Variants in SKP1 observed in about 807,000 individuals in gnomAD.
SKP1 encodes the protein S-phase kinase associated protein 1, also known as S-phase kinase-associated protein 1.
SKP1 carries 1 observed loss-of-function variant against 21.5 expected under a neutral mutation model. The ratio of observed to expected loss-of-function variants is 0.05; its 90% confidence interval spans 0.02 to 0.22. The LOEUF is 0.22. Among genes scored for constraint, SKP1 ranks in the 10% least tolerant of loss-of-function variants. The probability of loss-of-function intolerance (pLI) is 1.00; values close to 1 mark genes in which losing one functional copy is unlikely to be tolerated. For synonymous variants in SKP1, 59 were observed against 59.3 expected (o/e 0.99, Z 0.03); for missense variants, 70 against 192.0 (o/e 0.36, Z 3.76).
intron 4 of SKP1, 73 bp downstream of exon 4, chr5:134,160,913 AG>A (rs1761208704): frequency 2.0e-6 from 2 of 1,019,538 alleles, no homozygotes; most frequent in African/African-American, 3.2e-5. Flanking sequence ...GTGTCAATGA[AG>A]TTAGCAAATT....
rs566390320 is a variant in SKP1 at position 134,171,649 on chromosome 5, C to T, written c.97+2277G>A. ...TCTACCAACTACAGTATCACAATTC[C>T]ATCCCACCCCAACTAAAAACCGTAT... is the stretch of plus-strand genomic sequence containing the variant. On this transcript the variant is annotated intron_variant, in intron 2 of 5. Coordinates refer to ENST00000353411, the MANE Select transcript of SKP1 (RefSeq NM_170679.3). 4.6e-5 allele frequency among the ~76,000 whole-genome samples: 7 copies of T among 152,314 alleles called. No homozygotes were observed. The South Asian group carries it at 1.5e-3, about 32-fold the overall frequency.
chr5:134,151,778 T>C lies in SKP1; in HGVS notation c.*5955A>G. On this transcript the variant is annotated 3_prime_UTR_variant, in exon 6 of 6. Transcript: ENST00000353411. ...TCAATACTGGCACACAGACCAGAGG[T>C]AGCCAGCAGTACACAAGACTGCAAG... 4.6e-6 allele frequency: 2 copies of C among 436,746 alleles called. No homozygotes were observed. Among genetic ancestry groups the C allele is most frequent in the Admixed American group, 2.5e-5 (1 of 39,964 alleles). The allele number at this position is 436,746 out of a possible 1,614,324, so 27.1% of individuals were successfully genotyped here. A position where few individuals can be genotyped will look rare whatever the true frequency, so the allele number is the denominator to read the frequency against.
At chr5:134,173,285 C>T in intron 2 of SKP1, 1 of 167,956 alleles carries the variant, frequency 6.0e-6, no homozygotes, top group Non-Finnish European at 1.3e-5. Context: ...TGAGCCAAGA[C>T]TGCACCATCG....
At chr5:134,170,646 G>A (rs538078737) in intron 2 of SKP1, among the ~76,000 whole-genome samples, 1 of 152,362 alleles carries the variant, frequency 6.6e-6, no homozygotes, top group South Asian at 2.1e-4. Context: ...AGAATCTTAT[G>A]TAAGCCATTG....
At chr5:134,170,888 G>C (rs905258595) in intron 2 of SKP1, 6 of 401,288 alleles carry the variant, frequency 1.5e-5, no homozygotes, top group Admixed American at 3.0e-5. Context: ...CAATGCCAAA[G>C]CAAGTATTTA....
chr5:134,162,506 A>G (rs1409699423), intron 3 of SKP1, among the ~76,000 whole-genome samples: 1 of 152,128 alleles, frequency 6.6e-6, no homozygotes, highest in Non-Finnish European at 1.5e-5. Context: ...CCTGGGTTCA[A>G]GCGATTCTCC....
intron 3 of SKP1, among the ~76,000 whole-genome samples, chr5:134,165,182 A>T (rs1362974857): frequency 1.3e-5 from 2 of 152,156 alleles, no homozygotes; most frequent in African/African-American, 4.8e-5. Flanking sequence ...AACACTGTGA[A>T]TGTAATTAAT....
At chr5:134,165,110 G>A (rs1761302799) in intron 3 of SKP1, among the ~76,000 whole-genome samples, 1 of 151,808 alleles carries the variant, frequency 6.6e-6, no homozygotes, top group Non-Finnish European at 1.5e-5. Flanking sequence ...ACAGTTTAAT[G>A]GGTACAGAGT....
Position 134,167,261 on chromosome 5 carries a change from A to T in SKP1, c.98-18T>A. The T allele has an allele frequency of 6.6e-7, 1 of 1,519,536 alleles. No individual in the cohort carries two copies. Among genetic ancestry groups the T allele is most frequent in the Non-Finnish European group, 9.1e-7 (1 of 1,095,078 alleles). 94.1% of individuals were successfully genotyped at this position (1,519,536 alleles called of 1,614,324 possible). On this transcript the variant is annotated intron_variant, in intron 2 of 5. Coordinates refer to ENST00000353411, the MANE Select transcript of SKP1 (RefSeq NM_170679.3). ...TCCCAAATCTAAGAAAACCAGAAGA[A>T]AGTTTCTATTTCCTAATTCCATTAT...
chr5:134,170,289 T>C lies in SKP1; in HGVS notation c.98-3046A>G, dbSNP rs550702848. Among the ~76,000 whole-genome samples the C allele has an allele frequency of 3.9e-5, 6 of 152,356 alleles. No homozygotes were observed. In the South Asian group the frequency reaches 1.2e-3, roughly 32 times the overall value. ...GTTGTCCAGGCTGGTTTTGAACTCT[T>C]GGGCTCAAGTAATCCTCTTTAAATC... is the stretch of plus-strand genomic sequence containing the variant. On this transcript the variant is annotated intron_variant, in intron 2 of 5. Coordinates refer to ENST00000353411, the MANE Select transcript of SKP1 (RefSeq NM_170679.3).
chr5:134,163,206 T>A, intron 3 of SKP1, among the ~76,000 whole-genome samples: 2 of 18,494 alleles, frequency 1.1e-4, no homozygotes, highest in African/African-American at 6.0e-4. Flanking sequence ...GAGAGTGCGA[T>A]TCTGTCAAAA....
rs1425249222 is a variant in SKP1, at chr5:134,152,665, C to T, written c.*5068G>A. On this transcript the variant is annotated 3_prime_UTR_variant, in exon 6 of 6. Coordinates refer to ENST00000353411, the MANE Select transcript of SKP1 (RefSeq NM_170679.3). ...CAAGCGGTTCTCCTGCCTCAGCCTC[C>T]CGAGTTGCTGGGACTACAGGCATGT... 1 of 152,274 alleles carries T rather than the reference C, an allele frequency of 6.6e-6. No homozygotes were observed. Among genetic ancestry groups the T allele is most frequent in the Admixed American group, 6.5e-5 (1 of 15,284 alleles). The allele number at this position is 152,274 out of a possible 1,614,324, so 9.4% of individuals were successfully genotyped here. A position where few individuals can be genotyped will look rare whatever the true frequency, so the allele number is the denominator to read the frequency against.
intron 3 of SKP1, among the ~76,000 whole-genome samples, chr5:134,166,309 G>A (rs766029823): frequency 1.5e-4 from 23 of 150,932 alleles, no homozygotes; most frequent in Non-Finnish European, 3.1e-4. Context: ...AATGCTGGGC[G>A]CGGTGGCTCA....
At chr5:134,176,693 G>T (rs2284313) in intron 1 of SKP1, 162 bp downstream of exon 1, 136,274 of 152,238 alleles carry the variant, frequency 0.9, 61,360 homozygotes, top group Middle Eastern at 0.95. Flanking sequence ...AACCTGGTAG[G>T]GTCTCCCGAA....
At chr5:134,174,802 T>G (rs1321010822) in intron 1 of SKP1, 1 of 142,694 alleles carries the variant, frequency 7.0e-6, no homozygotes, top group African/African-American at 2.9e-5. Context: ...GGACTTGAGT[T>G]CTGGCAAAAA....
At chr5:134,161,936 T>A (rs759463555) in intron 3 of SKP1, 1 of 152,202 alleles carries the variant, frequency 6.6e-6, no homozygotes. Context: ...AGTGGCTACA[T>A]GGTTGTCTAC....
intron 2 of SKP1, among the ~76,000 whole-genome samples, chr5:134,170,131 T>C (rs540798136): frequency 5.3e-5 from 8 of 152,142 alleles, no homozygotes; most frequent in African/African-American, 1.2e-4. Flanking sequence ...GATTGCGCCA[T>C]TGCACTCCAG....
chr5:134,158,603 G>C lies in SKP1; in HGVS notation c.316-8C>G. On this transcript the variant is annotated splice_region_variant and splice_polypyrimidine_tract_variant and intron_variant, in intron 4 of 5. Transcript: ENST00000353411. Reference sequence around the variant, plus strand: ...GTCTAAGTAGTTTGCAGCCTGTAAAGAGACAGTTGTTTTCCTTAAAGTATA... The same window carrying C: ...GTCTAAGTAGTTTGCAGCCTGTAAACAGACAGTTGTTTTCCTTAAAGTATA... The C allele has an allele frequency of 6.2e-7, 1 of 1,611,886 alleles. No individual in the cohort carries two copies. Among genetic ancestry groups the C allele is most frequent in the South Asian group, 1.1e-5 (1 of 91,046 alleles).
In SKP1 at chr5:134,161,128, G is replaced by A. The variant is rs747899960; in HGVS notation, c.174C>T (p.Val58=). The change falls in exon 4 of 6, where the codon GTC becomes GTT. Residue 58 remains valine (V), a splice_region_variant and synonymous_variant. Transcript: ENST00000353411. ...PNVNAAILKK[V]IQWCTHHKDD... ...CCTTGTGGTGGGTGCACCACTGAAT[G>A]ACCTACAACAACAAAAGTTCATTCC... 5.6e-6 allele frequency: 9 copies of A among 1,594,870 alleles called. No individual in the cohort carries two copies. In the Admixed American group the frequency reaches 1.4e-4, roughly 25 times the overall value.
Sources: allele counts gnomAD v4.1 joint callset (sites outside exome capture counted in the v4.1 genomes callset), GRCh38; gene constraint gnomAD v4.1.1; transcripts MANE v1.5; gene names NCBI Gene and HGNC (gene_info 2026-07-23, HGNC 2026-07-21).